The following DDX10 variants were observed in gnomAD, a reference collection of about 807,000 sequenced individuals.
The protein encoded by DDX10 is probable ATP-dependent RNA helicase DDX10.
A neutral mutation model predicts 104.3 loss-of-function variants in DDX10; 74 were observed. The observed-to-expected ratio is 0.71, with a 90% CI of 0.59 to 0.86. DDX10 has a LOEUF of 0.86. Ranked by LOEUF, DDX10 falls within the 40% of genes least tolerant of loss-of-function variation. DDX10 has a pLI of 0.00. For missense variants in DDX10, 952 were observed against 1,040.0 expected (o/e 0.92, Z 1.16); for synonymous variants, 351 against 353.4 (o/e 0.99, Z 0.08).
intron 16 of DDX10, among the ~76,000 whole-genome samples, chr11:108,859,608 C>G (rs535770700): frequency 1.3e-5 from 2 of 152,314 alleles, no homozygotes; most frequent in African/African-American, 4.8e-5. Flanking sequence ...GCCCTTTATA[C>G]TTCATCATGG....
intron 17 of DDX10, among the ~76,000 whole-genome samples, chr11:108,936,702 A>T (rs1403897470): frequency 6.6e-6 from 1 of 152,152 alleles, no homozygotes; most frequent in African/African-American, 2.4e-5. Context: ...AACCTATTTA[A>T]TCCTTTATGG....
At chr11:108,898,674 A>C (rs1346476889) in intron 16 of DDX10, among the ~76,000 whole-genome samples, 1 of 152,044 alleles carries the variant, frequency 6.6e-6, no homozygotes, top group East Asian at 1.9e-4. Context: ...AAAAAAAAAA[A>C]AACAAGCGAG....
chr11:108,864,099 C>T (rs1408088927), intron 16 of DDX10, among the ~76,000 whole-genome samples: 2 of 152,132 alleles, frequency 1.3e-5, no homozygotes, highest in African/African-American at 4.8e-5. Flanking sequence ...GAAGATAATA[C>T]ATGTGTTAGG....
intron 17 of DDX10, among the ~76,000 whole-genome samples, chr11:108,936,642 C>T (rs1864041216): frequency 1.3e-5 from 2 of 152,116 alleles, no homozygotes; most frequent in South Asian, 2.1e-4. Context: ...AAAAGCAATT[C>T]CTGAAACATC....
In DDX10 at chr11:108,878,407, C is replaced by T. The variant is rs369465954; in HGVS notation, c.2304+26198C>T. On this transcript the variant is annotated intron_variant, in intron 16 of 17. Coordinates refer to ENST00000322536, the MANE Select transcript of DDX10 (RefSeq NM_004398.4). ...CATCACTACAGCAACAGAAAGTTTT[C>T]GTGTCTTTTTTCACCTATTTTTTGT... Among the ~76,000 whole-genome samples the T allele has an allele frequency of 2.5e-4, 38 of 152,260 alleles. 1 individual carries two copies. Among genetic ancestry groups the T allele is most frequent in the South Asian group, 1.4e-3 (7 of 4,832 alleles).
In DDX10 at chr11:108,724,737, T is replaced by C. The variant is rs1339286338; in HGVS notation, c.1965+1275T>C. 2.6e-5 allele frequency among the ~76,000 whole-genome samples: 4 copies of C among 152,192 alleles called. No homozygotes were observed. The East Asian group carries it at 7.7e-4, about 29-fold the overall frequency. ...ATTAAGATGAGAAGGAATGATATAG[T>C]TTTATAATACCATGAATTGTTCACG... On this transcript the variant is annotated intron_variant, in intron 13 of 17. Transcript: ENST00000322536.
At chr11:108,855,822 C>G (rs1264101758) in intron 16 of DDX10, among the ~76,000 whole-genome samples, 1 of 152,080 alleles carries the variant, frequency 6.6e-6, no homozygotes, top group East Asian at 1.9e-4. Context: ...TATGAAGGAA[C>G]AAAGAGTAGG....
rs12279805 is a variant in DDX10 at position 108,742,039 on chromosome 11, G to A, written c.1965+18577G>A. The stretch of plus-strand genomic sequence containing the variant: ...TTTGGGAGGCCAAGGTGGGTGGATC[G>A]CCTGAGATCAGGAGTTCAAAACTAG... On this transcript the variant is annotated intron_variant, in intron 13 of 17. Transcript: ENST00000322536. 2.8e-3 allele frequency among the ~76,000 whole-genome samples: 415 copies of A among 150,254 alleles called. 3 individuals carry two copies. Among genetic ancestry groups the A allele is most frequent in the African/African-American group, 9.5e-3 (388 of 40,848 alleles).
chr11:108,867,794 A>C (rs892090771), intron 16 of DDX10, among the ~76,000 whole-genome samples: 1 of 152,178 alleles, frequency 6.6e-6, no homozygotes, highest in Non-Finnish European at 1.5e-5. Flanking sequence ...AATTATTAAC[A>C]AAACAGATAT....
intron 14 of DDX10, among the ~76,000 whole-genome samples, chr11:108,839,809 C>G (rs1186885862): frequency 6.6e-6 from 1 of 152,108 alleles, no homozygotes; most frequent in South Asian, 2.1e-4. Context: ...ACCTGAGAAA[C>G]AGACTAAACT....
chr11:108,906,665 C>A (rs1476148885), intron 16 of DDX10, among the ~76,000 whole-genome samples: 1 of 152,070 alleles, frequency 6.6e-6, no homozygotes, highest in Non-Finnish European at 1.5e-5. Flanking sequence ...TGGAATTTTT[C>A]TTTTACTTAA....
chr11:108,770,595 CTAA>C (rs1301659540), intron 13 of DDX10, among the ~76,000 whole-genome samples: 1 of 147,964 alleles, frequency 6.8e-6, no homozygotes, highest in Non-Finnish European at 1.5e-5. Flanking sequence ...TTAGATCCTA[CTAA>C]TAAGTGAGAA....
At chr11:108,855,759 A>G (rs1862859858) in intron 16 of DDX10, among the ~76,000 whole-genome samples, 1 of 152,110 alleles carries the variant, frequency 6.6e-6, no homozygotes, top group Non-Finnish European at 1.5e-5. Context: ...GCAACTGGCC[A>G]AAAGTATGAT....
At chr11:108,778,230 T>C (rs925096122) in intron 13 of DDX10, among the ~76,000 whole-genome samples, 2 of 152,142 alleles carry the variant, frequency 1.3e-5, no homozygotes, top group Non-Finnish European at 2.9e-5. Flanking sequence ...GAGCCTGCAT[T>C]GCCAAGACAA....
chr11:108,873,540 C>T (rs976166661), intron 16 of DDX10, among the ~76,000 whole-genome samples: 10 of 152,134 alleles, frequency 6.6e-5, no homozygotes, highest in Admixed American at 2.0e-4. Flanking sequence ...CATTGTTCTG[C>T]CTGTCCCAAG....
chr11:108,790,485 TC>T (rs1861856167), intron 13 of DDX10, among the ~76,000 whole-genome samples: 1 of 152,214 alleles, frequency 6.6e-6, no homozygotes, highest in African/African-American at 2.4e-5. Context: ...CAAAATTGAT[TC>T]CCTTCTTCAC....
chr11:108,806,037 C>T (rs779946775), intron 13 of DDX10, among the ~76,000 whole-genome samples: 1 of 152,170 alleles, frequency 6.6e-6, no homozygotes, highest in Non-Finnish European at 1.5e-5. Flanking sequence ...TCTCGGCTCA[C>T]TGCAACCTAC....
intron 13 of DDX10, among the ~76,000 whole-genome samples, chr11:108,756,227 G>A (rs1237447937): frequency 6.6e-6 from 1 of 152,006 alleles, no homozygotes; most frequent in Non-Finnish European, 1.5e-5. Context: ...TTCATACGTT[G>A]ATTTAGTGAA....
At chr11:108,742,559 C>T (rs763736186) in intron 13 of DDX10, among the ~76,000 whole-genome samples, 1 of 152,070 alleles carries the variant, frequency 6.6e-6, no homozygotes, top group Admixed American at 6.6e-5. Flanking sequence ...AGTGAGACTC[C>T]ATTTCAAAAA....
Sources: gnomAD v4.1 joint callset for allele counts (sites outside exome capture counted in the v4.1 genomes callset) on GRCh38, gnomAD v4.1.1 for gene constraint, MANE v1.5 for transcripts, NCBI Gene and HGNC (gene_info 2026-07-23, HGNC 2026-07-21) for gene names.